The following NCKAP5 variants were observed in gnomAD, a reference collection of about 807,000 sequenced individuals.
NCKAP5 encodes NCK associated protein 5, also known as nck-associated protein 5.
NCKAP5 carries 92 observed loss-of-function variants against 167.0 expected under a neutral mutation model. The observed-to-expected ratio is 0.55, with a 90% CI of 0.47 to 0.66. The LOEUF (loss-of-function observed/expected upper bound fraction) is 0.66. Among genes scored for constraint, NCKAP5 ranks in the 30% least tolerant of loss-of-function variants. The probability of loss-of-function intolerance (pLI) is 0.00; values close to 1 mark genes in which losing one functional copy is unlikely to be tolerated. For synonymous variants in NCKAP5, 891 were observed against 877.4 expected, an observed-to-expected ratio of 1.02 and a Z score of -0.27; for missense variants, 2,378 against 2,315.0, an observed-to-expected ratio of 1.03 and a Z score of -0.56.
At chr2:133,470,783 G>C (rs1297846486) in intron 3 of NCKAP5, among the ~76,000 whole-genome samples, 2 of 152,226 alleles carry the variant, frequency 1.3e-5, no homozygotes, top group African/African-American at 4.8e-5. Context: ...TCCAGGTGCT[G>C]TCCGTCACCC....
rs147364421 is a variant in NCKAP5, at chr2:133,006,583, C to T, written c.342-12344G>A. The stretch of plus-strand genomic sequence containing the variant: ...TGGCAAACTCACTCTAAATCTGATT[C>T]CCATTTTCTACATCTCACACAGTTT... On this transcript the variant is annotated intron_variant, in intron 6 of 19. Coordinates refer to ENST00000409261, the MANE Select transcript of NCKAP5 (RefSeq NM_207363.3). Among the ~76,000 whole-genome samples the T allele has an allele frequency of 1.3e-3, 203 of 151,972 alleles. 1 individual carries two copies. Among genetic ancestry groups the T allele is most frequent in the African/African-American group, 3.9e-3 (161 of 41,418 alleles).
At chr2:132,930,453 T>C (rs983696439) in intron 8 of NCKAP5, 1 of 152,192 alleles carries the variant, frequency 6.6e-6, no homozygotes, top group Non-Finnish European at 1.5e-5. Flanking sequence ...ATTCCATCAC[T>C]TGATGGTGCA....
At chr2:133,070,552 T>G (rs2149549930) in intron 6 of NCKAP5, among the ~76,000 whole-genome samples, 1 of 152,258 alleles carries the variant, frequency 6.6e-6, no homozygotes, top group Middle Eastern at 3.4e-3. Flanking sequence ...ACCAGAATCC[T>G]TTGGGGCTGG....
intron 13 of NCKAP5, among the ~76,000 whole-genome samples, chr2:132,789,528 G>C (rs1241151637): frequency 6.6e-6 from 1 of 152,110 alleles, no homozygotes; most frequent in African/African-American, 2.4e-5. Flanking sequence ...TTATACAAAT[G>C]GTAGAAAAAT....
rs918566882 is a variant in NCKAP5, at chr2:132,790,049, G to A, written c.1066C>T (p.His356Tyr). The A allele has an allele frequency of 1.8e-5, 29 of 1,612,534 alleles. No individual in the cohort carries two copies. The highest frequency in any genetic ancestry group is 2.7e-5 in the African/African-American group (2 of 74,858). ...CTTTTCCTGAGGTTCTTCCCATCGT[G>A]CCACGTGTAGGAGGAGCCACTGGAG... The part of the protein sequence containing the change: ...EYSSGSSYTW[H>Y]DGKNLRKRQS... Residue 356 changes from histidine to tyrosine, a missense_variant, in exon 13 of 20, where the codon CAC becomes TAC. Around this residue, in one of 3 missense-constraint regions of NCKAP5, gnomAD observed 1,049 missense variants for 1,023.4 expected, o/e 1.02. Transcript: ENST00000409261.
Position 132,672,956 on chromosome 2 carries a change from ACCCCCCACC to A in NCKAP5, c.*324_*332del. 1 of 221,540 alleles carries A rather than the reference ACCCCCCACC, an allele frequency of 4.5e-6. No homozygotes were observed. Among genetic ancestry groups the A allele is most frequent in the Non-Finnish European group, 6.9e-6 (1 of 145,194 alleles). 13.7% of individuals were successfully genotyped at this position (221,540 alleles called of 1,614,324 possible). On this transcript the variant is annotated 3_prime_UTR_variant, in exon 20 of 20. Transcript: ENST00000409261. Reference sequence around the variant, plus strand: ...TATTGTTATCTCTATCAAGCGGTGCACCCCCCACCCCCCACCCATCATTTCTTAAGCGCT... The same window carrying A: ...TATTGTTATCTCTATCAAGCGGTGCACCCCACCCATCATTTCTTAAGCGCT...
At chr2:133,576,949 C>G in the NCKAP5 span, among the ~76,000 whole-genome samples, 2 of 152,298 alleles carry the variant, frequency 1.3e-5, no homozygotes, top group Admixed American at 6.5e-5. Flanking sequence ...TACTTGGAAA[C>G]CAGAGTGATT....
chr2:133,605,316 T>A, the NCKAP5 span, among the ~76,000 whole-genome samples: 8 of 152,292 alleles, frequency 5.3e-5, no homozygotes, highest in South Asian at 1.7e-3. Flanking sequence ...AAATCCTTGA[T>A]CCTTGCCTTG....
chr2:133,426,880 A>C (rs972999476), intron 3 of NCKAP5, among the ~76,000 whole-genome samples: 2 of 152,204 alleles, frequency 1.3e-5, no homozygotes, highest in Non-Finnish European at 2.9e-5. Flanking sequence ...ACCACACAAA[A>C]GTCTATTTTA....
At chr2:133,245,894 A>C (rs1304780987) in intron 4 of NCKAP5, among the ~76,000 whole-genome samples, 1 of 134,520 alleles carries the variant, frequency 7.4e-6, no homozygotes, top group Non-Finnish European at 1.5e-5. Flanking sequence ...TGATTTGATC[A>C]GGAAAAAAAA....
intron 3 of NCKAP5, among the ~76,000 whole-genome samples, chr2:133,326,906 C>G (rs1021682419): frequency 6.6e-6 from 1 of 152,222 alleles, no homozygotes; most frequent in Non-Finnish European, 1.5e-5. Context: ...GAATCAGAAT[C>G]TGTTCAAGAA....
intron 6 of NCKAP5, among the ~76,000 whole-genome samples, chr2:133,090,150 T>G (rs981693385): frequency 3.3e-5 from 5 of 151,318 alleles, no homozygotes; most frequent in Non-Finnish European, 7.4e-5. Context: ...GAGGATCTCT[T>G]GAGCCCAGCA....
the NCKAP5 span, among the ~76,000 whole-genome samples, chr2:133,573,703 C>T: frequency 1.3e-5 from 2 of 152,126 alleles, no homozygotes; most frequent in African/African-American, 2.4e-5. Context: ...GTTGACAGTA[C>T]ATACTGTGAG....
At chr2:133,499,436 C>CA (rs1269302426) in intron 3 of NCKAP5, among the ~76,000 whole-genome samples, 2 of 152,172 alleles carry the variant, frequency 1.3e-5, no homozygotes, top group Non-Finnish European at 2.9e-5. Flanking sequence ...AAAGGCCATG[C>CA]AAAAAAACCA....
At chr2:133,550,031 C>A (rs1458998749) in intron 2 of NCKAP5, among the ~76,000 whole-genome samples, 2 of 151,198 alleles carry the variant, frequency 1.3e-5, no homozygotes, top group African/African-American at 2.4e-5. Flanking sequence ...CATACATTCT[C>A]CCAAGACTAA....
intron 16 of NCKAP5, among the ~76,000 whole-genome samples, chr2:132,754,766 T>C (rs1680396123): frequency 6.6e-6 from 1 of 152,230 alleles, no homozygotes; most frequent in South Asian, 2.1e-4. Flanking sequence ...AGACATCAAG[T>C]CTTTTTGGTA....
the NCKAP5 span, among the ~76,000 whole-genome samples, chr2:133,649,187 T>C: frequency 5.4e-5 from 8 of 149,264 alleles, no homozygotes; most frequent in Non-Finnish European, 1.0e-4. Context: ...GACGAAATTA[T>C]GAAGAAATAG....
chr2:133,367,012 A>G (rs1247426281), intron 3 of NCKAP5, among the ~76,000 whole-genome samples: 4 of 152,228 alleles, frequency 2.6e-5, no homozygotes, highest in Admixed American at 2.6e-4. Context: ...AAACTTTAAG[A>G]CAAGTAGTCT....
At chr2:132,962,084 T>C (rs1278802707) in intron 8 of NCKAP5, among the ~76,000 whole-genome samples, 2 of 152,218 alleles carry the variant, frequency 1.3e-5, no homozygotes, top group African/African-American at 2.4e-5. Context: ...ATATTTGTTC[T>C]GCTCTGTGTT....
Sources: gnomAD v4.1 joint callset for allele counts (sites outside exome capture counted in the v4.1 genomes callset) on GRCh38, gnomAD v4.1.1 for gene constraint, gnomAD v4.1.1 regional missense constraint, MANE v1.5 for transcripts, NCBI Gene and HGNC (gene_info 2026-07-23, HGNC 2026-07-21) for gene names.